Variants in DCAF5 observed in about 807,000 individuals in gnomAD.
DCAF5 encodes the protein DDB1 and CUL4 associated factor 5, also known as DDB1- and CUL4-associated factor 5.
Under a neutral mutation model 80.7 loss-of-function variants are expected in DCAF5, and 9 were observed. That is an observed-to-expected ratio of 0.11 (90% CI 0.07 to 0.19). The LOEUF (loss-of-function observed/expected upper bound fraction) is 0.19. Among genes scored for constraint, DCAF5 ranks in the 10% least tolerant of loss-of-function variants. DCAF5 has a pLI of 1.00. For missense variants in DCAF5, 842 were observed against 1,205.7 expected, an observed-to-expected ratio of 0.70 and a Z score of 4.47; for synonymous variants, 433 against 461.9, an observed-to-expected ratio of 0.94 and a Z score of 0.80.
intron 1 of DCAF5, among the ~76,000 whole-genome samples, chr14:69,149,899 T>C (rs1054929814): frequency 2.0e-5 from 3 of 152,050 alleles, no homozygotes; most frequent in Non-Finnish European, 2.9e-5. Flanking sequence ...AAGAAAAAAA[T>C]ATAAACATGA....
In DCAF5 at chr14:69,055,279, C is replaced by A. The variant is rs146553663; in HGVS notation, c.1407G>T (p.Pro469=). 413 of 1,614,098 alleles carry A rather than the reference C, an allele frequency of 2.6e-4. 1 individual carries two copies. In the Middle Eastern group the frequency reaches 5.4e-3, roughly 21 times the overall value. The stretch of plus-strand genomic sequence containing the variant: ...CGGCAGACTCATCTACTGTGGGAGG[C>A]GGGGAGCGAGGCAATGAGGCCGAAG... The part of the protein sequence containing the change: ...SESSASLPRS[P]PPTVDESADN... The change falls in exon 9 of 9, where the codon CCG becomes CCT. Residue 469 remains proline, a synonymous_variant. Transcript: ENST00000341516. This position sits in a 1 kb window ranked among gnomAD's most constrained non-coding sequence, Gnocchi z 5.6.
chr14:69,060,303 C>T (rs576296534), intron 8 of DCAF5, among the ~76,000 whole-genome samples: 4 of 152,316 alleles, frequency 2.6e-5, no homozygotes, highest in East Asian at 1.9e-4. Flanking sequence ...AAGGGCAGGG[C>T]TCTATCCTAG....
chr14:69,115,335 G>A (rs933041163), intron 5 of DCAF5, among the ~76,000 whole-genome samples: 12 of 152,186 alleles, frequency 7.9e-5, no homozygotes, highest in Non-Finnish European at 1.3e-4. Context: ...GGGCTACACC[G>A]ATCTGCTACA....
At chr14:69,125,835 A>G (rs2040855933) in intron 1 of DCAF5, among the ~76,000 whole-genome samples, 1 of 152,196 alleles carries the variant, frequency 6.6e-6, no homozygotes, top group Non-Finnish European at 1.5e-5. Flanking sequence ...TGAAAGGGAT[A>G]ATATCTAAGC....
Position 69,091,664 on chromosome 14 carries a change from C to G in DCAF5, c.879+10G>C, listed in dbSNP as rs2139969011. 2 of 1,610,906 alleles carry G rather than the reference C, an allele frequency of 1.2e-6. No individual in the cohort carries two copies. Among genetic ancestry groups the G allele is most frequent in the Non-Finnish European group, 1.7e-6 (2 of 1,177,194 alleles). On this transcript the variant is annotated intron_variant, in intron 6 of 8. Coordinates refer to ENST00000341516, the MANE Select transcript of DCAF5 (RefSeq NM_003861.3). ...ATAAGTGTGAGATGCAGGAGGCAGA[C>G]AGCATTTACCTGGTCACGATCTCCT...
chr14:69,051,759 T>C lies in DCAF5; in HGVS notation c.*2098A>G, dbSNP rs1309409063. ...TGTCCTTTGAGAAGTCAGAAGAGGCTAAGTACTTATTAAAATAAAATAAAT... is the reference window on the plus strand; with the variant it reads ...TGTCCTTTGAGAAGTCAGAAGAGGCCAAGTACTTATTAAAATAAAATAAAT... On this transcript the variant is annotated 3_prime_UTR_variant, in exon 9 of 9. Coordinates refer to ENST00000341516, the MANE Select transcript of DCAF5 (RefSeq NM_003861.3). 6.6e-6 allele frequency: 1 copy of C among 152,588 alleles called. No individual in the cohort carries two copies. Among genetic ancestry groups the C allele is most frequent in the African/African-American group, 2.4e-5 (1 of 41,446 alleles). 9.5% of individuals were successfully genotyped at this position (152,588 alleles called of 1,614,324 possible).
Position 69,054,050 on chromosome 14 carries a change from A to G in DCAF5, c.2636T>C (p.Leu879Pro), listed in dbSNP as rs1359060821. 6.2e-7 allele frequency: 1 copy of G among 1,613,918 alleles called. No homozygotes were observed. Among genetic ancestry groups the G allele is most frequent in the Non-Finnish European group, 8.5e-7 (1 of 1,179,814 alleles). The change falls in exon 9 of 9, where the codon CTA becomes CCA. Residue 879 changes from leucine (L) to proline (P), a missense_variant. By Grantham distance (98) the Leu-to-Pro change is moderately conservative (BLOSUM62 -3). Coordinates refer to ENST00000341516, the MANE Select transcript of DCAF5 (RefSeq NM_003861.3). ...TTCAGACCCGCAACAATCTTTGTGT[A>G]GGAGTGTCCCTGTCAGGGACGAGTT... ...RDNSSLTGTL[L>P]HKDCCGSEMA...
chr14:69,091,197 TC>T, intron 6 of DCAF5: 1 of 706,044 alleles, frequency 1.4e-6, no homozygotes, highest in Non-Finnish European at 2.6e-6. Context: ...TGGCTCCCTC[TC>T]AAACAAAGCT....
chr14:69,112,446 G>C (rs560932457), intron 5 of DCAF5, among the ~76,000 whole-genome samples: 25 of 152,108 alleles, frequency 1.6e-4, no homozygotes, highest in African/African-American at 5.8e-4. Context: ...GATTTAGTAA[G>C]AGAGGGAACT....
At chr14:69,102,039 C>A (rs536740264) in intron 5 of DCAF5, among the ~76,000 whole-genome samples, 40 of 152,020 alleles carry the variant, frequency 2.6e-4, no homozygotes, top group African/African-American at 9.2e-4. Context: ...AAATATTACA[C>A]ACAGGCTACG....
intron 1 of DCAF5, among the ~76,000 whole-genome samples, chr14:69,139,343 A>T (rs753479962): frequency 4.6e-5 from 7 of 151,386 alleles, no homozygotes; most frequent in Middle Eastern, 3.4e-3. Context: ...AATTAGCTGG[A>T]CGTGGTGATG....
chr14:69,126,395 G>C (rs1176260823), intron 1 of DCAF5, among the ~76,000 whole-genome samples: 1 of 152,044 alleles, frequency 6.6e-6, no homozygotes, highest in Non-Finnish European at 1.5e-5. Context: ...GACCTCAGTT[G>C]ATCTGCCCAC....
At chr14:69,120,589 A>G (rs755061176) in intron 2 of DCAF5, among the ~76,000 whole-genome samples, 2 of 152,206 alleles carry the variant, frequency 1.3e-5, no homozygotes, top group Non-Finnish European at 2.9e-5. Flanking sequence ...AAACATGAAA[A>G]AAGTCCCACT....
intron 5 of DCAF5, among the ~76,000 whole-genome samples, chr14:69,105,770 T>G (rs907217839): frequency 6.6e-6 from 1 of 151,230 alleles, no homozygotes; most frequent in Non-Finnish European, 1.5e-5. Flanking sequence ...GGCATCAGAC[T>G]GAAGCCTCTA....
intron 6 of DCAF5, among the ~76,000 whole-genome samples, chr14:69,076,646 C>A (rs1053575817): frequency 6.6e-6 from 1 of 152,060 alleles, no homozygotes. Flanking sequence ...GAAGAGTTAG[C>A]GTTTGTTGGG....
At chr14:69,061,746 G>C (rs2038223453) in intron 8 of DCAF5, among the ~76,000 whole-genome samples, 1 of 152,212 alleles carries the variant, frequency 6.6e-6, no homozygotes, top group Non-Finnish European at 1.5e-5. Context: ...TCCAGATGAG[G>C]TTTGGAAAAC....
At chr14:69,104,045 C>T (rs912468418) in intron 5 of DCAF5, among the ~76,000 whole-genome samples, 1 of 152,122 alleles carries the variant, frequency 6.6e-6, no homozygotes, top group African/African-American at 2.4e-5. Context: ...AGGAATAAAG[C>T]TGCTATGAAC....
chr14:69,101,256 CAGA>C (rs1274537761), intron 5 of DCAF5, among the ~76,000 whole-genome samples: 3 of 152,202 alleles, frequency 2.0e-5, no homozygotes, highest in Admixed American at 2.0e-4. Context: ...GCATCAGGGC[CAGA>C]AGGATTCATC....
intron 5 of DCAF5, among the ~76,000 whole-genome samples, chr14:69,093,899 C>G (rs188196224): frequency 7.3e-4 from 111 of 152,214 alleles, no homozygotes; most frequent in Non-Finnish European, 1.2e-3. Context: ...AGAGAAATGC[C>G]CTTATAATGG....
Sources: gnomAD v4.1 joint callset for allele counts (sites outside exome capture counted in the v4.1 genomes callset) on GRCh38, gnomAD v4.1.1 for gene constraint, Gnocchi (gnomAD v3.1) non-coding constraint, MANE v1.5 for transcripts, NCBI Gene and HGNC (gene_info 2026-07-23, HGNC 2026-07-21) for gene names.